Variants in CDIN1 observed in about 807,000 individuals in gnomAD.
CDIN1 encodes the protein CDAN1 interacting nuclease 1, also known as CDAN1-interacting nuclease 1.
A neutral mutation model predicts 45.3 loss-of-function variants in CDIN1; 33 were observed. The ratio of observed to expected loss-of-function variants is 0.73; its 90% CI spans 0.55 to 0.97. The LOEUF is 0.97. Ranked by LOEUF, CDIN1 falls within the 50% of genes least tolerant of loss-of-function variation. The probability of loss-of-function intolerance (pLI) is 0.00; values close to 1 mark genes in which losing one functional copy is unlikely to be tolerated. For missense variants in CDIN1, 303 were observed against 339.4 expected (o/e 0.89, Z 0.84); for synonymous variants, 118 against 124.4 (o/e 0.95, Z 0.34).
intron 10 of CDIN1, among the ~76,000 whole-genome samples, chr15:36,777,642 A>C (rs1173515257): frequency 1.3e-5 from 2 of 152,138 alleles, no homozygotes; most frequent in African/African-American, 4.8e-5. Flanking sequence ...TTTTTGAGAC[A>C]AGATGTCACT....
chr15:36,616,004 G>A (rs1412699076), intron 1 of CDIN1, among the ~76,000 whole-genome samples: 1 of 152,194 alleles, frequency 6.6e-6, no homozygotes, highest in Non-Finnish European at 1.5e-5. Flanking sequence ...ACCAGTGGGA[G>A]AATATAGCAA....
chr15:36,780,039 G>A (rs76774266), intron 10 of CDIN1, among the ~76,000 whole-genome samples: 2,901 of 151,986 alleles, frequency 0.019, 98 homozygotes, highest in African/African-American at 0.065. Flanking sequence ...AGTCATTTAC[G>A]TTTAGAATGA....
rs999226802 is a variant in CDIN1 at position 36,617,707 on chromosome 15, C to G, written c.102-26571C>G. 2.7e-5 allele frequency: 21 copies of G among 780,574 alleles called. No individual in the cohort carries two copies. The African/African-American group carries it at 3.6e-4, about 13-fold the overall frequency. 48.4% of individuals were successfully genotyped at this position (780,574 alleles called of 1,614,324 possible). On this transcript the variant is annotated intron_variant, in intron 1 of 10. Transcript: ENST00000566621. Reference sequence around the variant, plus strand: ...TGTATTGTGATTCTTAGAGAGATTCCTGAAACAACACCAATAGAGGAAGTG... The same window carrying G: ...TGTATTGTGATTCTTAGAGAGATTCGTGAAACAACACCAATAGAGGAAGTG...
chr15:36,584,533 A>G (rs2037201198), intron 1 of CDIN1, among the ~76,000 whole-genome samples: 4 of 152,210 alleles, frequency 2.6e-5, no homozygotes, highest in Admixed American at 2.6e-4. Flanking sequence ...TATGATTATC[A>G]TAGATTTATG....
chr15:36,664,571 G>T (rs1309824010), intron 5 of CDIN1, among the ~76,000 whole-genome samples: 2 of 151,142 alleles, frequency 1.3e-5, no homozygotes, highest in Admixed American at 6.6e-5. Context: ...TTTTTGAGAC[G>T]GAGTCTCGCT....
chr15:36,766,013 T>G (rs1015995347), intron 10 of CDIN1, among the ~76,000 whole-genome samples: 1 of 152,206 alleles, frequency 6.6e-6, no homozygotes, highest in Non-Finnish European at 1.5e-5. Flanking sequence ...TCTCTAGAAT[T>G]TATTCCTCTT....
At chr15:36,763,610 C>G (rs189859100) in intron 10 of CDIN1, among the ~76,000 whole-genome samples, 1 of 152,270 alleles carries the variant, frequency 6.6e-6, no homozygotes, top group East Asian at 1.9e-4. Flanking sequence ...TGTACCCCGC[C>G]ATGTTGTGGT....
intron 3 of CDIN1, 138 bp downstream of exon 3, chr15:36,645,425 T>A: frequency 2.5e-6 from 2 of 799,668 alleles, no homozygotes; most frequent in Non-Finnish European, 3.9e-6. Flanking sequence ...AAACTTTTAG[T>A]ATGTTTTTGA....
chr15:36,607,344 G>T (rs1172245705), intron 1 of CDIN1, among the ~76,000 whole-genome samples: 1 of 152,136 alleles, frequency 6.6e-6, no homozygotes, highest in Non-Finnish European at 1.5e-5. Context: ...GAAGAACATT[G>T]ATGATATAGT....
intron 10 of CDIN1, among the ~76,000 whole-genome samples, chr15:36,807,333 CT>C (rs1257371619): frequency 6.6e-6 from 1 of 152,302 alleles, no homozygotes. Context: ...TTTAGACATG[CT>C]TTTACTAACC....
chr15:36,637,070 G>A (rs1224595999), intron 1 of CDIN1, among the ~76,000 whole-genome samples: 2 of 152,132 alleles, frequency 1.3e-5, no homozygotes, highest in African/African-American at 4.8e-5. Flanking sequence ...TCATCAAAAT[G>A]GTGTGGTACC....
chr15:36,775,365 TC>T (rs2054192593), intron 10 of CDIN1, among the ~76,000 whole-genome samples: 1 of 152,222 alleles, frequency 6.6e-6, no homozygotes, highest in African/African-American at 2.4e-5. Flanking sequence ...GTGCACATGT[TC>T]CTGATTTGAA....
At chr15:36,643,193 G>T (rs552402789) in intron 1 of CDIN1, among the ~76,000 whole-genome samples, 17 of 151,934 alleles carry the variant, frequency 1.1e-4, no homozygotes, top group Non-Finnish European at 2.2e-4. Flanking sequence ...AACATTTAGG[G>T]TATTTTTTTC....
In CDIN1 at chr15:36,595,925, G is replaced by A. The variant is rs142096229; in HGVS notation, c.101+15964G>A. Among the ~76,000 whole-genome samples, 5 of 152,292 alleles carry A rather than the reference G, an allele frequency of 3.3e-5. No homozygotes were observed. The East Asian group carries it at 7.7e-4, about 24-fold the overall frequency. ...CAGTAACTGGCCTGTCACAGTCAGCGGTGCCCACCGACCATTGCCAGTATA... is the reference window on the plus strand; with the variant it reads ...CAGTAACTGGCCTGTCACAGTCAGCAGTGCCCACCGACCATTGCCAGTATA... On this transcript the variant is annotated intron_variant, in intron 1 of 10. Transcript: ENST00000566621.
chr15:36,690,971 C>T (rs1015222513), intron 5 of CDIN1, among the ~76,000 whole-genome samples: 2 of 152,082 alleles, frequency 1.3e-5, no homozygotes, highest in African/African-American at 4.8e-5. Context: ...TCCCTTAGTG[C>T]CCCCTCTTCT....
At chr15:36,705,177 G>A (rs1274216333) in intron 8 of CDIN1, 5 of 152,046 alleles carry the variant, frequency 3.3e-5, no homozygotes, top group Non-Finnish European at 7.4e-5. Context: ...ATGAAGACCT[G>A]GGTTGTTTTT....
chr15:36,598,787 T>C (rs1356151289), intron 1 of CDIN1, among the ~76,000 whole-genome samples: 1 of 152,106 alleles, frequency 6.6e-6, no homozygotes, highest in Non-Finnish European at 1.5e-5. Flanking sequence ...TTTTGGTCTC[T>C]TGAATATTAG....
intron 5 of CDIN1, chr15:36,691,258 T>C (rs2042240419): frequency 2.0e-6 from 1 of 507,706 alleles, no homozygotes; most frequent in African/African-American, 1.9e-5. Flanking sequence ...ATGAAGAGTT[T>C]AGTGAAGACA....
chr15:36,626,566 G>A, intron 1 of CDIN1: 1 of 244,340 alleles, frequency 4.1e-6, no homozygotes, highest in South Asian at 4.8e-5. Context: ...TAGCCATCCT[G>A]TTTTGGCGAC....
Sources: allele counts gnomAD v4.1 joint callset (sites outside exome capture counted in the v4.1 genomes callset), GRCh38; gene constraint gnomAD v4.1.1; transcripts MANE v1.5; gene names NCBI Gene and HGNC (gene_info 2026-07-23, HGNC 2026-07-21).